ADGB: variants seen among roughly 807,000 people sequenced by gnomAD.
ADGB encodes androglobin, also known as calpain-7-like protein.
ADGB carries 172 observed loss-of-function variants against 210.5 expected under a neutral mutation model. The ratio of observed to expected loss-of-function variants is 0.82; its 90% CI spans 0.72 to 0.93. The LOEUF (loss-of-function observed/expected upper bound fraction) is 0.93. Among genes scored for constraint, ADGB ranks in the 40% least tolerant of loss-of-function variants. The pLI is 0.00. For synonymous variants in ADGB, 658 were observed against 662.7 expected, an observed-to-expected ratio of 0.99 and a Z score of 0.11; for missense variants, 2,025 against 1,964.8, an observed-to-expected ratio of 1.03 and a Z score of -0.58.
chr6:146,727,188 A>AAC (rs1440551481), intron 19 of ADGB, among the ~76,000 whole-genome samples: 1 of 151,966 alleles, frequency 6.6e-6, no homozygotes, highest in Non-Finnish European at 1.5e-5. Context: ...AAAAAAAAAA[A>AAC]AAAATTCCAA....
At chr6:146,758,534 C>T (rs1777442159) in intron 27 of ADGB, among the ~76,000 whole-genome samples, 1 of 151,840 alleles carries the variant, frequency 6.6e-6, no homozygotes, top group Admixed American at 6.6e-5. Context: ...GTATTTAAAA[C>T]CAATTTTTAT....
At chr6:146,806,094 T>TCG (rs1330271339) in intron 35 of ADGB, among the ~76,000 whole-genome samples, 2 of 152,208 alleles carry the variant, frequency 1.3e-5, no homozygotes, top group African/African-American at 2.4e-5. Context: ...ATGTGGGAAA[T>TCG]AATTTAGATT....
intron 16 of ADGB, among the ~76,000 whole-genome samples, chr6:146,718,730 T>C (rs1252145426): frequency 6.6e-6 from 1 of 152,244 alleles, no homozygotes; most frequent in Non-Finnish European, 1.5e-5. Flanking sequence ...TACGCAGAGT[T>C]GGAGGAAGTA....
chr6:146,800,435 T>G (rs916941521), intron 33 of ADGB, among the ~76,000 whole-genome samples: 5 of 152,202 alleles, frequency 3.3e-5, no homozygotes, highest in African/African-American at 1.2e-4. Flanking sequence ...AAACTGGATT[T>G]TGTTGATGGT....
rs139526760 is a variant in ADGB, at chr6:146,606,646, A to G, written c.74+7532A>G. On this transcript the variant is annotated intron_variant, in intron 1 of 35. Coordinates refer to ENST00000397944, the MANE Select transcript of ADGB (RefSeq NM_024694.4). ...CTGGCCAGTTATCCCAGTACCATTTATTGAACAGAAAGTCCTTTCCACATT... is the reference window on the plus strand; with the variant it reads ...CTGGCCAGTTATCCCAGTACCATTTGTTGAACAGAAAGTCCTTTCCACATT... Among the ~76,000 whole-genome samples the G allele has an allele frequency of 2.9e-3, 438 of 152,338 alleles. 2 individuals carry two copies. The highest frequency in any genetic ancestry group is 9.9e-3 in the African/African-American group (412 of 41,574).
chr6:146,612,277 T>A (rs1780723626), intron 1 of ADGB, among the ~76,000 whole-genome samples: 1 of 152,202 alleles, frequency 6.6e-6, no homozygotes, highest in Admixed American at 6.5e-5. Flanking sequence ...TAAATTAACA[T>A]CTCTGAACCT....
At chr6:146,679,512 T>A (rs1776129519) in intron 9 of ADGB, among the ~76,000 whole-genome samples, 2 of 152,218 alleles carry the variant, frequency 1.3e-5, no homozygotes, top group Non-Finnish European at 2.9e-5. Context: ...TAGTCACTCA[T>A]CATTCGCAAT....
chr6:146,787,950 C>T (rs1368319595), intron 32 of ADGB, among the ~76,000 whole-genome samples: 1 of 152,092 alleles, frequency 6.6e-6, no homozygotes, highest in Non-Finnish European at 1.5e-5. Context: ...TATGATGTCA[C>T]AAGAAAGAGC....
chr6:146,639,816 G>T (rs560013888), intron 2 of ADGB: 1 of 151,870 alleles, frequency 6.6e-6, no homozygotes, highest in Non-Finnish European at 1.5e-5. Flanking sequence ...GAAGAGGTCC[G>T]TAATTTTAAT....
Position 146,714,662 on chromosome 6 carries a change from G to C in ADGB, c.1708-720G>C, listed in dbSNP as rs62434374. Among the ~76,000 whole-genome samples the C allele has an allele frequency of 7.2e-5, 11 of 152,064 alleles. No individual in the cohort carries two copies. In the South Asian group the frequency reaches 2.3e-3, roughly 32 times the overall value. Reference sequence around the variant, plus strand: ...CTTCTACAGACATTCAACCCATGTCGGTGTTTTAAGCCCATGTCTCATTCT... The same window carrying C: ...CTTCTACAGACATTCAACCCATGTCCGTGTTTTAAGCCCATGTCTCATTCT... On this transcript the variant is annotated intron_variant, in intron 13 of 35. Coordinates refer to ENST00000397944, the MANE Select transcript of ADGB (RefSeq NM_024694.4).
chr6:146,704,366 T>C (rs1244365073), intron 13 of ADGB, among the ~76,000 whole-genome samples: 2 of 151,990 alleles, frequency 1.3e-5, no homozygotes, highest in African/African-American at 4.8e-5. Context: ...GATTATTTCT[T>C]AAAACTTGTT....
intron 1 of ADGB, among the ~76,000 whole-genome samples, chr6:146,629,683 T>C (rs1781030812): frequency 6.6e-6 from 1 of 152,200 alleles, no homozygotes; most frequent in Non-Finnish European, 1.5e-5. Flanking sequence ...TTTATTTTTA[T>C]CTGTAGGCTT....
rs1233823923 is a variant in ADGB, at chr6:146,636,439, C to A, written c.237+902C>A. 2.6e-5 allele frequency among the ~76,000 whole-genome samples: 4 copies of A among 151,988 alleles called. 1 individual carries two copies. Among genetic ancestry groups the A allele is most frequent in the South Asian group, 4.1e-4 (2 of 4,830 alleles). ...ACTCTGTTAGCACCTAAACAAGTTC[C>A]AAATTAGCAACATGTAAGGGAACAA... On this transcript the variant is annotated intron_variant, in intron 2 of 35. Transcript: ENST00000397944.
chr6:146,807,873 G>C (rs1418877731), intron 35 of ADGB: 1 of 189,238 alleles, frequency 5.3e-6, no homozygotes, highest in African/African-American at 2.3e-5. Context: ...AGTGAAACAA[G>C]TTCATAAAGC....
intron 19 of ADGB, 120 bp from the exon 20 acceptor site, chr6:146,728,454 C>T (rs188614760): frequency 1.9e-6 from 2 of 1,034,110 alleles, no homozygotes; most frequent in Middle Eastern, 2.8e-4. Flanking sequence ...ATATCAAATC[C>T]TCTATAAAGA....
intron 1 of ADGB, among the ~76,000 whole-genome samples, chr6:146,628,218 GTATAT>G (rs1397542449): frequency 9.9e-5 from 15 of 151,396 alleles, no homozygotes; most frequent in South Asian, 2.1e-4. Flanking sequence ...AATTGACATT[GTATAT>G]TATATTTTTA....
rs201614616 is a variant in ADGB, at chr6:146,691,213, C to A, written c.1409C>A (p.Pro470Gln). ...AGTAGGTCTTGTCCTCTGGTAGCAC[C>A]ACCAAAACCACCTCCTCTACCTCCC... The part of the protein sequence containing the change: ...TRSRSCPLVA[P>Q]PKPPPLPPWK... The change falls in exon 11 of 36, where the codon CCA becomes CAA. Residue 470 changes from proline (P) to glutamine (Q), a missense_variant. Physicochemically the swap from Pro to Gln is moderately conservative, Grantham distance 76. Coordinates refer to ENST00000397944, the MANE Select transcript of ADGB (RefSeq NM_024694.4). 4 of 1,548,800 alleles carry A rather than the reference C, an allele frequency of 2.6e-6. No individual in the cohort carries two copies. The highest frequency in any genetic ancestry group is 2.8e-5 in the African/African-American group (2 of 72,170).
At chr6:146,708,850 T>A (rs1184108715) in intron 13 of ADGB, among the ~76,000 whole-genome samples, 1 of 152,194 alleles carries the variant, frequency 6.6e-6, no homozygotes, top group Non-Finnish European at 1.5e-5. Context: ...CTCAAATATT[T>A]GCTCTTTTGA....
chr6:146,794,427 A>G (rs1778007667), intron 33 of ADGB, among the ~76,000 whole-genome samples: 1 of 152,164 alleles, frequency 6.6e-6, no homozygotes, highest in African/African-American at 2.4e-5. Flanking sequence ...CTGTTTCCTC[A>G]CAAGTTTATC....
Sources: allele counts gnomAD v4.1 joint callset (sites outside exome capture counted in the v4.1 genomes callset), GRCh38; gene constraint gnomAD v4.1.1; transcripts MANE v1.5; gene names NCBI Gene and HGNC (gene_info 2026-07-23, HGNC 2026-07-21).